Variants in SDK1 observed in about 807,000 individuals in gnomAD.
The protein encoded by SDK1 is sidekick cell adhesion molecule 1.
SDK1 carries 157 observed loss-of-function variants against 245.5 expected under a neutral mutation model. That is an observed-to-expected ratio of 0.64 (90% CI 0.56 to 0.73). The LOEUF (loss-of-function observed/expected upper bound fraction) is 0.73, where lower values mean the gene tolerates loss of function less well. SDK1 is among the 30% of genes least tolerant of loss of function. SDK1 has a pLI of 0.00. For missense variants in SDK1, 3,583 were observed against 3,002.3 expected (o/e 1.19, Z -4.52); for synonymous variants, 1,647 against 1,278.5 (o/e 1.29, Z -6.15).
At chr7:3,947,460 A>G (rs1470575262) in intron 5 of SDK1, among the ~76,000 whole-genome samples, 1 of 151,646 alleles carries the variant, frequency 6.6e-6, no homozygotes, top group Non-Finnish European at 1.5e-5. Flanking sequence ...GAGAGATTAT[A>G]TTTCTTTCTT....
intron 20 of SDK1, among the ~76,000 whole-genome samples, chr7:4,070,573 A>G (rs1419165853): frequency 2.0e-5 from 3 of 152,134 alleles, no homozygotes; most frequent in South Asian, 2.1e-4. Context: ...CCAGCTACAT[A>G]GCAAACCCAG....
intron 1 of SDK1, among the ~76,000 whole-genome samples, chr7:3,593,893 A>G (rs1780969218): frequency 6.6e-6 from 1 of 152,210 alleles, no homozygotes; most frequent in Non-Finnish European, 1.5e-5. Flanking sequence ...AGATAATAGC[A>G]CTTACCATGC....
At position 3,689,391 on chromosome 7, in the gene SDK1, C is replaced by T. The variant is rs115080916; in HGVS notation, c.713+47286C>T. On this transcript the variant is annotated intron_variant, in intron 4 of 44. Coordinates refer to ENST00000404826, the MANE Select transcript of SDK1 (RefSeq NM_152744.4). ...CTTATAGGTGTAGCTACCATCCTGCCGTTATAAGACAGTAAACCTGGTACA... is the reference window on the plus strand; with the variant it reads ...CTTATAGGTGTAGCTACCATCCTGCTGTTATAAGACAGTAAACCTGGTACA... Among the ~76,000 whole-genome samples the T allele has an allele frequency of 7.7e-3, 1,171 of 152,110 alleles. 16 individuals are homozygous for T. The highest frequency in any genetic ancestry group is 0.026 in the African/African-American group (1,098 of 41,482).
chr7:3,731,068 A>G (rs1347817917), intron 4 of SDK1, among the ~76,000 whole-genome samples: 1 of 152,180 alleles, frequency 6.6e-6, no homozygotes, highest in Non-Finnish European at 1.5e-5. Context: ...ACTTCAAAGA[A>G]TAACTTTTTG....
intron 5 of SDK1, among the ~76,000 whole-genome samples, chr7:3,942,471 G>C (rs573157001): frequency 6.6e-6 from 1 of 152,242 alleles, no homozygotes; most frequent in South Asian, 2.1e-4. Flanking sequence ...ATCTTATCTG[G>C]ACAACACGAT....
At chr7:3,386,075 G>A (rs929208866) in intron 1 of SDK1, among the ~76,000 whole-genome samples, 1 of 151,908 alleles carries the variant, frequency 6.6e-6, no homozygotes, top group African/African-American at 2.4e-5. Context: ...TGTTTCTCTT[G>A]ACAGGATTGA....
At chr7:3,550,373 A>G (rs577073375) in intron 1 of SDK1, among the ~76,000 whole-genome samples, 2 of 152,268 alleles carry the variant, frequency 1.3e-5, no homozygotes, top group South Asian at 2.1e-4. Flanking sequence ...TATACTCACA[A>G]TCAACATACT....
chr7:3,471,356 T>C (rs1216736037), intron 1 of SDK1, among the ~76,000 whole-genome samples: 2 of 152,194 alleles, frequency 1.3e-5, no homozygotes, highest in African/African-American at 2.4e-5. Flanking sequence ...CAGTAAGTGG[T>C]ATTAGGAATC....
chr7:3,798,211 C>CTTTTTTTTTTTTTTTTTTTTTTTTTTT (rs71029699), intron 4 of SDK1, among the ~76,000 whole-genome samples: 1 of 53,612 alleles, frequency 1.9e-5, no homozygotes. Context: ...CCTTGGCACT[C>CTTTTTTTTTTTTTTTTTTTTTTTTTTT]TTTTTTTTTT....
intron 4 of SDK1, among the ~76,000 whole-genome samples, chr7:3,751,552 T>A (rs994700022): frequency 6.6e-6 from 1 of 152,152 alleles, no homozygotes; most frequent in East Asian, 1.9e-4. Context: ...CATCCCGTCA[T>A]TGCCCAGTAA....
chr7:3,598,130 T>C (rs367838015), intron 1 of SDK1, among the ~76,000 whole-genome samples: 21 of 152,266 alleles, frequency 1.4e-4, no homozygotes, highest in South Asian at 4.1e-4. Flanking sequence ...TAGCCACTTA[T>C]AGTTTCTGAT....
chr7:3,957,224 C>T (rs1051810001), intron 7 of SDK1, among the ~76,000 whole-genome samples: 1 of 152,182 alleles, frequency 6.6e-6, no homozygotes, highest in African/African-American at 2.4e-5. Flanking sequence ...CTGATGGACA[C>T]GTGGACCTAC....
rs576270020 is a variant in SDK1 at position 3,508,696 on chromosome 7, A to T, written c.299-110384A>T. 1.2e-3 allele frequency among the ~76,000 whole-genome samples: 177 copies of T among 152,266 alleles called. 2 individuals carry two copies. The highest frequency in any genetic ancestry group is 4.1e-3 in the African/African-American group (169 of 41,542). ...TCAAGAGACCTTTCCTGATTCTTCA[A>T]AGTGTTCTGTACCTTTTCCATCTTG... On this transcript the variant is annotated intron_variant, in intron 1 of 44. Transcript: ENST00000404826.
At chr7:4,139,711 GTGTGTGTGTA>G (rs1562872882) in intron 28 of SDK1, among the ~76,000 whole-genome samples, 4 of 40,298 alleles carry the variant, frequency 9.9e-5, no homozygotes, top group South Asian at 5.1e-4. Context: ...GTGTATGTGT[GTGTGTGTGTA>G]TGTGTGTGTG....
At chr7:3,532,315 G>GA (rs1783375280) in intron 1 of SDK1, among the ~76,000 whole-genome samples, 1 of 152,134 alleles carries the variant, frequency 6.6e-6, no homozygotes, top group South Asian at 2.1e-4. Context: ...GTGTAGGGAA[G>GA]AAAGAGTATT....
chr7:3,748,278 G>T (rs908023848), intron 4 of SDK1, among the ~76,000 whole-genome samples: 1 of 152,116 alleles, frequency 6.6e-6, no homozygotes, highest in Non-Finnish European at 1.5e-5. Context: ...CAGGATAGAG[G>T]CTGCTTTTTT....
intron 4 of SDK1, among the ~76,000 whole-genome samples, chr7:3,669,808 T>C (rs147729802): frequency 7.4e-4 from 113 of 152,332 alleles, no homozygotes; most frequent in African/African-American, 2.6e-3. Flanking sequence ...CATTGTATTT[T>C]CCTGGAGTTT....
At chr7:3,785,253 A>ATT (rs1262112544) in intron 4 of SDK1, among the ~76,000 whole-genome samples, 29 of 152,218 alleles carry the variant, frequency 1.9e-4, no homozygotes, top group African/African-American at 6.5e-4. Context: ...AGGCAAGAGG[A>ATT]ATTTTTTTTT....
intron 4 of SDK1, among the ~76,000 whole-genome samples, chr7:3,766,487 T>TG (rs1780256618): frequency 1.3e-5 from 2 of 152,122 alleles, no homozygotes; most frequent in South Asian, 4.1e-4. Context: ...ATCTAGCAAA[T>TG]GGGGTAATTG....
Sources: allele counts gnomAD v4.1 joint callset (sites outside exome capture counted in the v4.1 genomes callset), GRCh38; gene constraint gnomAD v4.1.1; transcripts MANE v1.5; gene names NCBI Gene and HGNC (gene_info 2026-07-23, HGNC 2026-07-21).